UVRAG: variants seen among roughly 807,000 people sequenced by gnomAD.
UVRAG encodes UV radiation resistance associated.
A neutral mutation model predicts 78.0 loss-of-function variants in UVRAG; 19 were observed. That is an observed-to-expected ratio of 0.24 (90% confidence interval 0.17 to 0.36). The LOEUF is 0.36. Among genes scored for constraint, UVRAG ranks in the 10% least tolerant of loss-of-function variants. UVRAG has a pLI of 1.00. For synonymous variants in UVRAG, 323 were observed against 324.6 expected, an observed-to-expected ratio of 1.00 and a Z score of 0.05; for missense variants, 740 against 853.8, an observed-to-expected ratio of 0.87 and a Z score of 1.66.
At position 75,879,932 on chromosome 11, in the gene UVRAG, A is replaced by C. The variant is rs1443410726; in HGVS notation, c.324A>C (p.Thr108=). ...GAATTATGCCAGACCGTCTTGATACATCTGTGTCTTGTTTCGTGGTGAAGA... is the reference window on the plus strand; with the variant it reads ...GAATTATGCCAGACCGTCTTGATACCTCTGTGTCTTGTTTCGTGGTGAAGA... ...DFGIMPDRLD[T]SVSCFVVKIW... is the part of the protein sequence containing the mutation. Residue 108 remains threonine (T), a synonymous_variant, in exon 4 of 15, where the codon ACA becomes ACC. Coordinates refer to ENST00000356136, the MANE Select transcript of UVRAG (RefSeq NM_003369.4). 1 of 1,614,214 alleles carries C rather than the reference A, an allele frequency of 6.2e-7. No homozygotes were observed. The highest frequency in any genetic ancestry group is 1.3e-5 in the African/African-American group (1 of 75,062).
chr11:76,059,724 T>G (rs1217290169), intron 12 of UVRAG, among the ~76,000 whole-genome samples: 1 of 152,164 alleles, frequency 6.6e-6, no homozygotes, highest in Non-Finnish European at 1.5e-5. Flanking sequence ...GCACTGCATA[T>G]GTAAAAGGCA....
At chr11:75,944,098 C>T (rs1219142488) in intron 6 of UVRAG, among the ~76,000 whole-genome samples, 3 of 152,120 alleles carry the variant, frequency 2.0e-5, no homozygotes, top group African/African-American at 7.2e-5. Context: ...TGTTTTATAG[C>T]ACACAACCCA....
intron 14 of UVRAG, among the ~76,000 whole-genome samples, chr11:76,120,592 T>C (rs182263096): frequency 2.0e-5 from 3 of 152,296 alleles, no homozygotes; most frequent in Non-Finnish European, 4.4e-5. Flanking sequence ...CATTTATAAA[T>C]GTAGTGCCCC....
chr11:76,132,582 C>T (rs138331461), intron 14 of UVRAG, among the ~76,000 whole-genome samples: 2 of 152,132 alleles, frequency 1.3e-5, no homozygotes, highest in East Asian at 3.9e-4. Context: ...TTGTTAAAGC[C>T]TCACCCCAGC....
chr11:75,982,465 ACT>A (rs756460445), intron 7 of UVRAG, among the ~76,000 whole-genome samples: 2 of 152,012 alleles, frequency 1.3e-5, no homozygotes, highest in Admixed American at 6.6e-5. Flanking sequence ...AGTGAAAGTG[ACT>A]CTCAACTAGG....
Sources: gnomAD v4.1 joint callset for allele counts (sites outside exome capture counted in the v4.1 genomes callset) on GRCh38, gnomAD v4.1.1 for gene constraint, MANE v1.5 for transcripts, NCBI Gene and HGNC (gene_info 2026-07-23, HGNC 2026-07-21) for gene names.